Variants in LRP2 observed in about 807,000 individuals in gnomAD.
LRP2 encodes the protein low-density lipoprotein receptor-related protein 2.
A neutral mutation model predicts 531.0 loss-of-function variants in LRP2; 172 were observed. The ratio of observed to expected loss-of-function variants is 0.32; its 90% CI spans 0.29 to 0.37. The LOEUF (loss-of-function observed/expected upper bound fraction) is 0.37, where lower values mean the gene tolerates loss of function less well. LRP2 is among the 10% of genes least tolerant of loss of function. LRP2 has a pLI of 1.00. For synonymous variants in LRP2, 1,992 were observed against 2,027.6 expected, an observed-to-expected ratio of 0.98 and a Z score of 0.47; for missense variants, 5,167 against 5,868.3, an observed-to-expected ratio of 0.88 and a Z score of 3.90.
chr2:169,331,537 T>C (rs1203623464), intron 1 of LRP2, among the ~76,000 whole-genome samples: 1 of 152,192 alleles, frequency 6.6e-6, no homozygotes, highest in East Asian at 1.9e-4. Context: ...GGAAGGAAAC[T>C]AAGCTCAAGA....
intron 1 of LRP2, among the ~76,000 whole-genome samples, chr2:169,356,543 T>A (rs1291088076): frequency 6.6e-6 from 1 of 152,218 alleles, no homozygotes; most frequent in African/African-American, 2.4e-5. Context: ...ATAAGAAAAC[T>A]GCCCCAGAGC....
intron 13 of LRP2, among the ~76,000 whole-genome samples, chr2:169,277,384 G>A (rs1034660481): frequency 1.3e-5 from 2 of 152,042 alleles, no homozygotes; most frequent in Middle Eastern, 6.8e-3. Flanking sequence ...ATTTATTGGG[G>A]GAAGGTTAGA....
chr2:169,284,903 A>G (rs1430965693), intron 9 of LRP2, among the ~76,000 whole-genome samples: 1 of 152,200 alleles, frequency 6.6e-6, no homozygotes, highest in Non-Finnish European at 1.5e-5. Flanking sequence ...GAGTCACTCT[A>G]AGCAGAAGTT....
chr2:169,128,757 G>A lies in LRP2; in HGVS notation c.13874C>T (p.Pro4625Leu). 6.2e-7 allele frequency: 1 copy of A among 1,614,142 alleles called. No homozygotes were observed. The highest frequency in any genetic ancestry group is 8.5e-7 in the Non-Finnish European group (1 of 1,180,002). ...TGGAGTTGGGTCTCTTCTCGAAGGA[G>A]GCTTAGGCTTAGCAGGGAGCGAAGG... is the stretch of plus-strand genomic sequence containing the variant. Reference protein sequence around the residue: ...PSPSLPAKPKPPSRRDPTPTY... With the variant: ...PSPSLPAKPKLPSRRDPTPTY... The change falls in exon 79 of 79, where the codon CCT becomes CTT. Residue 4625 changes from proline to leucine, a missense_variant. Transcript: ENST00000649046.
At chr2:169,261,988 A>C (rs563270504) in intron 16 of LRP2, among the ~76,000 whole-genome samples, 1 of 151,178 alleles carries the variant, frequency 6.6e-6, no homozygotes. Flanking sequence ...AGCCAAAGAC[A>C]AAAACCACAT....
At chr2:169,199,683 A>G (rs900164656) in intron 44 of LRP2, among the ~76,000 whole-genome samples, 3 of 152,206 alleles carry the variant, frequency 2.0e-5, no homozygotes, top group Non-Finnish European at 4.4e-5. Flanking sequence ...AAAAAATTCC[A>G]AATATCTTTA....
At chr2:169,193,156 G>T (rs193043345) in intron 47 of LRP2, among the ~76,000 whole-genome samples, 71 of 152,326 alleles carry the variant, frequency 4.7e-4, no homozygotes, top group African/African-American at 1.5e-3. Context: ...ACTGGGTGCA[G>T]TGGCTCATGC....
chr2:169,256,209 G>A lies in LRP2; in HGVS notation c.2667C>T (p.Ala889=). ...TGCTGTGCTCAATTTTATCAAAATA[G>A]GCATCTACCCAGTACAATCGTGAAG... ...WAASRLYWVD[A]YFDKIEHSTF... Residue 889 remains alanine (A), a synonymous_variant, in exon 19 of 79, where the codon GCC becomes GCT. Coordinates refer to ENST00000649046, the MANE Select transcript of LRP2 (RefSeq NM_004525.3). The A allele has an allele frequency of 6.2e-7, 1 of 1,612,754 alleles. No individual in the cohort carries two copies. Among genetic ancestry groups the A allele is most frequent in the Non-Finnish European group, 8.5e-7 (1 of 1,179,058 alleles).
intron 70 of LRP2, among the ~76,000 whole-genome samples, chr2:169,143,814 T>A (rs1685814948): frequency 6.6e-6 from 1 of 152,220 alleles, no homozygotes; most frequent in Non-Finnish European, 1.5e-5. Flanking sequence ...CCAAGGGTTG[T>A]ACTGGAGTGG....
chr2:169,319,179 C>T (rs1474213299), intron 2 of LRP2, among the ~76,000 whole-genome samples: 2 of 152,150 alleles, frequency 1.3e-5, no homozygotes, highest in African/African-American at 4.8e-5. Flanking sequence ...AGATTAAAAG[C>T]TTCATTCAAG....
At chr2:169,202,246 G>C (rs1688227134) in intron 43 of LRP2, among the ~76,000 whole-genome samples, 2 of 152,258 alleles carry the variant, frequency 1.3e-5, no homozygotes, top group Non-Finnish European at 2.9e-5. Context: ...AGAACTCCCT[G>C]AGAAAGTCCA....
chr2:169,247,099 T>C (rs2105394296), intron 20 of LRP2, 113 bp from the exon 21 acceptor site: 1 of 1,250,484 alleles, frequency 8.0e-7, no homozygotes, highest in Middle Eastern at 2.7e-4. Context: ...GACCCAATAC[T>C]AAAAAGTAGC....
At chr2:169,320,228 AATTAG>A (rs1684872801) in intron 2 of LRP2, among the ~76,000 whole-genome samples, 1 of 152,228 alleles carries the variant, frequency 6.6e-6, no homozygotes, top group African/African-American at 2.4e-5. Context: ...TTTTATAATT[AATTAG>A]ATTTGAAGTT....
Position 169,185,764 on chromosome 2 carries a change from C to T in LRP2, c.9584G>A (p.Ser3195Asn), listed in dbSNP as rs760704526. The T allele has an allele frequency of 1.9e-6, 3 of 1,613,586 alleles. No homozygotes were observed. The highest frequency in any genetic ancestry group is 2.5e-6 in the Non-Finnish European group (3 of 1,179,884). ...AAAAATGAGATAGGGTTCGATGTTA[C>T]TGTTTTGCCGGCAGGTCTTTCCATC... is the stretch of plus-strand genomic sequence containing the variant. ...EPDGKTCRQN[S>N]NIEPYLIFSN... The change falls in exon 50 of 79, where the codon AGT becomes AAT. Residue 3195 changes from serine to asparagine, a missense_variant. Physicochemically the swap from Ser to Asn is conservative, Grantham distance 46. Transcript: ENST00000649046.
intron 75 of LRP2, 92 bp downstream of exon 75, chr2:169,138,485 T>C: frequency 7.1e-7 from 1 of 1,399,358 alleles, no homozygotes. Flanking sequence ...AATACTGTAT[T>C]TCAGTCTTCT....
Position 169,362,465 on chromosome 2 carries a change from C to T in LRP2, c.-66G>A. ...GGTGGGCGCGCGTAGCACACCGCAC[C>T]GGCAGCGCCTCTGCTAGCGAACGCT... On this transcript the variant is annotated 5_prime_UTR_variant, in exon 1 of 79. Transcript: ENST00000649046. The T allele has an allele frequency of 7.3e-7, 1 of 1,363,696 alleles. No individual in the cohort carries two copies. The highest frequency in any genetic ancestry group is 1.2e-5 in the South Asian group (1 of 80,520). The allele number at this position is 1,363,696 out of a possible 1,614,324, so 84.5% of individuals were successfully genotyped here. A position where few individuals can be genotyped will look rare whatever the true frequency, so the allele number is the denominator to read the frequency against.
chr2:169,345,266 G>C (rs989324950), intron 1 of LRP2, among the ~76,000 whole-genome samples: 2 of 152,268 alleles, frequency 1.3e-5, no homozygotes, highest in East Asian at 3.9e-4. Flanking sequence ...CAAGTTTGGG[G>C]AAATTTTGTT....
At chr2:169,223,736 A>T (rs1208995047) in intron 33 of LRP2, among the ~76,000 whole-genome samples, 1 of 152,160 alleles carries the variant, frequency 6.6e-6, no homozygotes, top group Non-Finnish European at 1.5e-5. Context: ...AAAATAAAAA[A>T]AAGAGTTTGA....
In LRP2 at chr2:169,239,625, G is replaced by A. The variant is rs1334403562; in HGVS notation, c.4196C>T (p.Ser1399Phe). The A allele has an allele frequency of 2.5e-6, 4 of 1,614,068 alleles. No individual in the cohort carries two copies. Among genetic ancestry groups the A allele is most frequent in the South Asian group, 1.1e-5 (1 of 91,074 alleles). Residue 1399 changes from serine (S) to phenylalanine (F), a missense_variant, in exon 26 of 79, where the codon TCT becomes TTT. Transcript: ENST00000649046. ...CATATTGTAACAGTGCTGGCTACAA[G>A]AGCCTAGAATATCACATTCATCTAT... ...EDIDECDILG[S>F]CSQHCYNMRG...
Sources: gnomAD v4.1 joint callset for allele counts (sites outside exome capture counted in the v4.1 genomes callset) on GRCh38, gnomAD v4.1.1 for gene constraint, MANE v1.5 for transcripts, NCBI Gene and HGNC (gene_info 2026-07-23, HGNC 2026-07-21) for gene names.